The following COL4A1 variants were observed in gnomAD, a reference collection of about 807,000 sequenced individuals.
The protein encoded by COL4A1 is collagen type IV alpha 1 chain.
Under a neutral mutation model 216.6 loss-of-function variants are expected in COL4A1, and 40 were observed. The observed-to-expected ratio is 0.18, with a 90% confidence interval of 0.14 to 0.24. The LOEUF (loss-of-function observed/expected upper bound fraction) is 0.24, where lower values mean the gene tolerates loss of function less well. Ranked by LOEUF, COL4A1 falls within the 10% of genes least tolerant of loss-of-function variation. The pLI is 1.00. For missense variants in COL4A1, 1,628 were observed against 2,196.8 expected, an observed-to-expected ratio of 0.74 and a Z score of 5.18; for synonymous variants, 839 against 810.7, an observed-to-expected ratio of 1.03 and a Z score of -0.59.
In COL4A1 at chr13:110,307,073, GGCC is replaced by G; in HGVS notation, c.-49_-47del. 7.2e-7 allele frequency: 1 copy of G among 1,382,066 alleles called. No individual in the cohort carries two copies. The highest frequency in any genetic ancestry group is 9.4e-7 in the Non-Finnish European group (1 of 1,060,658). The allele number at this position is 1,382,066 out of a possible 1,614,324, so 85.6% of individuals were successfully genotyped here. A position where few individuals can be genotyped will look rare whatever the true frequency, so the allele number is the denominator to read the frequency against. On this transcript the variant is annotated 5_prime_UTR_variant, in exon 1 of 52. Coordinates refer to ENST00000375820, the MANE Select transcript of COL4A1 (RefSeq NM_001845.6). The surrounding 1 kb of genome is among the most constrained non-coding windows in gnomAD (Gnocchi z 5.0). ...GAGGGACGGCTGCCCGGCGTGCGGG[GGCC>G]GCGGCGGACAGCTAGCTCTCGGAAG...
rs1327791226 is a variant in COL4A1, at chr13:110,228,989, C to T, written c.144+13686G>A. 2.0e-5 allele frequency among the ~76,000 whole-genome samples: 3 copies of T among 152,274 alleles called. 1 individual carries two copies. The highest frequency in any genetic ancestry group is 4.2e-4 in the South Asian group (2 of 4,816). ...TCAGAAAAGAAAAAGGGGAGGAAAA[C>T]CAGATGGCATTGGGGATTCCACAAA... On this transcript the variant is annotated intron_variant, in intron 2 of 51. Coordinates refer to ENST00000375820, the MANE Select transcript of COL4A1 (RefSeq NM_001845.6).
chr13:110,150,975 T>A (rs891251005), intron 51 of COL4A1, among the ~76,000 whole-genome samples: 1 of 152,250 alleles, frequency 6.6e-6, no homozygotes, highest in African/African-American at 2.4e-5. Context: ...AGGATTTCTA[T>A]GCAGATGGTC....
At position 110,207,260 on chromosome 13, in the gene COL4A1, T is replaced by C. The variant is rs567940737; in HGVS notation, c.780+143A>G. The C allele has an allele frequency of 6.9e-4, 531 of 772,536 alleles. 2 individuals carry two copies. The highest frequency in any genetic ancestry group is 1.0e-3 in the Non-Finnish European group (461 of 448,226). 47.9% of individuals were successfully genotyped at this position (772,536 alleles called of 1,614,324 possible). On this transcript the variant is annotated intron_variant, in intron 13 of 51. Transcript: ENST00000375820. The surrounding 1 kb of genome is among the most constrained non-coding windows in gnomAD (Gnocchi z 4.4). ...TGCTCTCAAAGGGGCTCGTATTTTA[T>C]GGACTGAACAGTCTATAAATCTGTT... is the stretch of plus-strand genomic sequence containing the variant.
At chr13:110,175,163 C>G in intron 37 of COL4A1, 55 bp downstream of exon 37, 1 of 1,603,640 alleles carries the variant, frequency 6.2e-7, no homozygotes, top group Non-Finnish European at 8.5e-7. Context: ...ATTTCTCAGG[C>G]AGCATCTCCA....
chr13:110,204,648 ATTTTTTT>A, intron 17 of COL4A1, among the ~76,000 whole-genome samples: 1 of 142,980 alleles, frequency 7.0e-6, no homozygotes. Context: ...TATTTTTTAG[ATTTTTTT>A]TTTTTTTTAG....
chr13:110,258,050 C>T (rs1882655357), intron 1 of COL4A1, among the ~76,000 whole-genome samples: 1 of 152,120 alleles, frequency 6.6e-6, no homozygotes, highest in Admixed American at 6.5e-5. Context: ...CTTATTTTCC[C>T]ATTGCCTACA....
chr13:110,175,061 T>C (rs554187997), intron 37 of COL4A1, among the ~76,000 whole-genome samples, 157 bp downstream of exon 37: 1 of 152,272 alleles, frequency 6.6e-6, no homozygotes, highest in East Asian at 1.9e-4. Context: ...GGAGAGGTAG[T>C]GAATACAAGG....
intron 1 of COL4A1, among the ~76,000 whole-genome samples, chr13:110,248,169 G>A (rs113710733): frequency 6.6e-6 from 1 of 152,144 alleles, no homozygotes; most frequent in South Asian, 2.1e-4. Flanking sequence ...GCTCTTCCTG[G>A]TTGCAGCACT....
chr13:110,254,072 C>G (rs1219405405), intron 1 of COL4A1, among the ~76,000 whole-genome samples: 1 of 152,096 alleles, frequency 6.6e-6, no homozygotes, highest in Admixed American at 6.5e-5. Flanking sequence ...TGACCCCACC[C>G]ACAACCTTTA....
chr13:110,219,814 ATATGTATATATATGTATG>A (rs1433950658), intron 2 of COL4A1, among the ~76,000 whole-genome samples: 15 of 139,348 alleles, frequency 1.1e-4, no homozygotes, highest in African/African-American at 3.0e-4. Flanking sequence ...ATATGTGTAT[ATATGTATATATATGTATG>A]TATGTATATA....
chr13:110,295,535 C>T (rs1332561000), intron 1 of COL4A1, among the ~76,000 whole-genome samples: 1 of 151,228 alleles, frequency 6.6e-6, no homozygotes, highest in Non-Finnish European at 1.5e-5. Context: ...AAGCGATTCT[C>T]CTGCCTCAGC....
intron 1 of COL4A1, among the ~76,000 whole-genome samples, chr13:110,292,021 G>C (rs896657299): frequency 1.3e-5 from 2 of 152,182 alleles, no homozygotes; most frequent in Non-Finnish European, 2.9e-5. Flanking sequence ...CCAAACATTT[G>C]ATACAAACAA....
Position 110,176,455 on chromosome 13 carries a change from T to C in COL4A1, c.3027A>G (p.Pro1009=), listed in dbSNP as rs1220802554. Reference sequence around the variant, plus strand: ...AGCCCATTCCACCAACAGATCCTTTTGGTCCCGGAAGTCCTGGAGCACCTG... The same window carrying C: ...AGCCCATTCCACCAACAGATCCTTTCGGTCCCGGAAGTCCTGGAGCACCTG... ...GTPGAPGLPG[P]KGSVGGMGLP... Residue 1009 remains proline, a synonymous_variant, in exon 36 of 52, where the codon CCA becomes CCG. Transcript: ENST00000375820. 2 of 1,614,014 alleles carry C rather than the reference T, an allele frequency of 1.2e-6. No individual in the cohort carries two copies. Among genetic ancestry groups the C allele is most frequent in the Non-Finnish European group, 1.7e-6 (2 of 1,179,842 alleles).
At chr13:110,193,993 TCTC>T (rs531993102) in intron 22 of COL4A1, among the ~76,000 whole-genome samples, 91 of 152,202 alleles carry the variant, frequency 6.0e-4, no homozygotes, top group African/African-American at 2.2e-3. Context: ...GACAGATGCT[TCTC>T]CTAGGATCTG....
rs377447142 is a variant in COL4A1, at chr13:110,195,144, G to A, written c.1286-26C>T. ...CTGAAATTGAGTTGTCAGAGTTATA[G>A]GATCATAGCTAGGTGTTTTTACCCT... On this transcript the variant is annotated intron_variant, in intron 21 of 51. Transcript: ENST00000375820. 81 of 1,595,492 alleles carry A rather than the reference G, an allele frequency of 5.1e-5. No individual in the cohort carries two copies. The African/African-American group carries it at 9.5e-4, about 19-fold the overall frequency.
chr13:110,186,702 A>G, intron 25 of COL4A1, 149 bp from the exon 26 acceptor site: 1 of 956,330 alleles, frequency 1.0e-6, no homozygotes, highest in Non-Finnish European at 1.5e-6. Flanking sequence ...CAGGAGGGCC[A>G]CCTTGTAGTT....
intron 26 of COL4A1, among the ~76,000 whole-genome samples, chr13:110,183,543 AAG>A (rs1296942288): frequency 6.6e-6 from 1 of 152,224 alleles, no homozygotes; most frequent in Non-Finnish European, 1.5e-5. Flanking sequence ...GTCCACAATT[AAG>A]AGTCACAAGA....
chr13:110,298,067 G>A (rs2139319804), intron 1 of COL4A1, among the ~76,000 whole-genome samples: 1 of 151,998 alleles, frequency 6.6e-6, no homozygotes, highest in Non-Finnish European at 1.5e-5. Flanking sequence ...ATTAATTGAT[G>A]ATAACCTCCA....
intron 24 of COL4A1, chr13:110,191,355 CAAAAAGAA>C: frequency 3.9e-6 from 1 of 259,240 alleles, no homozygotes; most frequent in Non-Finnish European, 7.2e-6. Context: ...CAATATCTTA[CAAAAAGAA>C]AAAAAGGAAT....
Sources: gnomAD v4.1 joint callset for allele counts (sites outside exome capture counted in the v4.1 genomes callset) on GRCh38, gnomAD v4.1.1 for gene constraint, Gnocchi (gnomAD v3.1) non-coding constraint, MANE v1.5 for transcripts, NCBI Gene and HGNC (gene_info 2026-07-23, HGNC 2026-07-21) for gene names.